The following FBLN5 variants were observed in gnomAD, a reference collection of about 807,000 sequenced individuals.
The protein encoded by FBLN5 is fibulin-5.
In FBLN5, 24 loss-of-function variants were observed where a neutral mutation model predicts 61.6. The ratio of observed to expected loss-of-function variants is 0.39; its 90% confidence interval spans 0.28 to 0.55. FBLN5 has a LOEUF of 0.55. Among genes scored for constraint, FBLN5 ranks in the 20% least tolerant of loss-of-function variants. FBLN5 has a pLI of 0.65. For synonymous variants in FBLN5, 213 were observed against 219.8 expected, an observed-to-expected ratio of 0.97 and a Z score of 0.27; for missense variants, 470 against 594.1, an observed-to-expected ratio of 0.79 and a Z score of 2.17.
At chr14:91,929,333 G>A (rs866748611) in intron 4 of FBLN5, among the ~76,000 whole-genome samples, 1 of 152,120 alleles carries the variant, frequency 6.6e-6, no homozygotes, top group East Asian at 1.9e-4. Flanking sequence ...CCTGTGGCCT[G>A]TTGCCTACAA....
intron 4 of FBLN5, among the ~76,000 whole-genome samples, chr14:91,896,865 G>A (rs1417635620): frequency 2.6e-5 from 4 of 152,336 alleles, no homozygotes; most frequent in African/African-American, 9.6e-5. Flanking sequence ...TACGTACGGT[G>A]GGGATGGGGG....
rs2139968939 is a variant in FBLN5, at chr14:91,887,318, GA to G, written c.620-7del. On this transcript the variant is annotated splice_polypyrimidine_tract_variant and splice_region_variant and intron_variant, in intron 6 of 10. Transcript: ENST00000342058. ...GGTGGCACACTCGTTCACATCTGTG[GA>G]AAGCCAAGGCACATTGCTGACTGTC... 6 of 1,612,368 alleles carry G rather than the reference GA, an allele frequency of 3.7e-6. No homozygotes were observed. Among genetic ancestry groups the G allele is most frequent in the Non-Finnish European group, 5.1e-6 (6 of 1,179,802 alleles).
intron 4 of FBLN5, among the ~76,000 whole-genome samples, chr14:91,919,941 G>C (rs1435593840): frequency 6.6e-6 from 1 of 152,154 alleles, no homozygotes; most frequent in African/African-American, 2.4e-5. Context: ...CCCTGGCCCT[G>C]AGCACCTCCC....
chr14:91,903,107 G>GA (rs1432788310), intron 4 of FBLN5, among the ~76,000 whole-genome samples: 4 of 151,768 alleles, frequency 2.6e-5, no homozygotes, highest in Non-Finnish European at 5.9e-5. Context: ...TTTTAATGGG[G>GA]AAAAAAATCA....
intron 4 of FBLN5, among the ~76,000 whole-genome samples, chr14:91,912,096 T>C (rs1463182109): frequency 2.0e-5 from 3 of 152,270 alleles, no homozygotes; most frequent in Non-Finnish European, 4.4e-5. Flanking sequence ...ATCTAAATGT[T>C]ATAATGTATA....
chr14:91,942,784 G>C (rs2056126132), intron 2 of FBLN5, 123 bp downstream of exon 2: 1 of 701,186 alleles, frequency 1.4e-6, no homozygotes, highest in East Asian at 2.7e-5. Flanking sequence ...GAAGAGCTCA[G>C]ATGAGGTCAA....
chr14:91,888,945 G>C (rs996411904), intron 6 of FBLN5, among the ~76,000 whole-genome samples: 1 of 152,148 alleles, frequency 6.6e-6, no homozygotes, highest in African/African-American at 2.4e-5. Flanking sequence ...AAACCTCTTA[G>C]GCCTCTGAAA....
intron 5 of FBLN5, among the ~76,000 whole-genome samples, 178 bp from the exon 6 acceptor site, chr14:91,891,515 G>A (rs953677890): frequency 6.6e-6 from 1 of 152,198 alleles, no homozygotes; most frequent in African/African-American, 2.4e-5. Context: ...CGAATACAAG[G>A]CTCAATCTCC....
chr14:91,888,378 G>A (rs1044932582), intron 6 of FBLN5, among the ~76,000 whole-genome samples: 5 of 152,046 alleles, frequency 3.3e-5, no homozygotes, highest in Non-Finnish European at 7.4e-5. Flanking sequence ...GCCAAGGCAG[G>A]TGGATTACCT....
intron 4 of FBLN5, among the ~76,000 whole-genome samples, chr14:91,911,134 C>A (rs997872588): frequency 8.5e-5 from 13 of 152,096 alleles, no homozygotes; most frequent in Admixed American, 3.9e-4. Flanking sequence ...CAGGTGCATG[C>A]CACCATGCCC....
chr14:91,909,075 G>A (rs1015560159), intron 4 of FBLN5, among the ~76,000 whole-genome samples: 1 of 151,912 alleles, frequency 6.6e-6, no homozygotes, highest in African/African-American at 2.4e-5. Flanking sequence ...CCACCACCAC[G>A]CCCGGCTAAT....
At chr14:91,902,155 G>T (rs1319900723) in intron 4 of FBLN5, among the ~76,000 whole-genome samples, 1 of 152,154 alleles carries the variant, frequency 6.6e-6, no homozygotes, top group Non-Finnish European at 1.5e-5. Context: ...CCAGTGTATG[G>T]TCCCTGCCAC....
intron 5 of FBLN5, among the ~76,000 whole-genome samples, chr14:91,893,173 T>A (rs1463463618): frequency 6.6e-6 from 1 of 152,208 alleles, no homozygotes; most frequent in Non-Finnish European, 1.5e-5. Context: ...TCTAAAATGT[T>A]CTTTCTCTAT....
chr14:91,885,354 T>C (rs1488643766), intron 7 of FBLN5, among the ~76,000 whole-genome samples: 1 of 152,144 alleles, frequency 6.6e-6, no homozygotes, highest in Non-Finnish European at 1.5e-5. Context: ...CACCTACACT[T>C]AGGGAAGATA....
chr14:91,928,825 C>A (rs1228445491), intron 4 of FBLN5, among the ~76,000 whole-genome samples: 1 of 151,930 alleles, frequency 6.6e-6, no homozygotes, highest in Non-Finnish European at 1.5e-5. Context: ...TTGGGAGGCA[C>A]AGGTGGGCAG....
At chr14:91,944,566 C>A (rs8010405) in intron 1 of FBLN5, among the ~76,000 whole-genome samples, 16,835 of 152,226 alleles carry the variant, frequency 0.11, 1,338 homozygotes, top group African/African-American at 0.22. Flanking sequence ...TCGATGGATA[C>A]ATGGATAAAC....
chr14:91,941,049 A>G (rs535694168), intron 2 of FBLN5, among the ~76,000 whole-genome samples: 66 of 152,280 alleles, frequency 4.3e-4, no homozygotes, highest in African/African-American at 1.6e-3. Context: ...AAGAGGAATC[A>G]TATCTGCTGA....
At position 91,947,167 on chromosome 14, in the gene FBLN5, G is replaced by A; in HGVS notation, c.17+46C>T. On this transcript the variant is annotated intron_variant, in intron 1 of 10. Transcript: ENST00000342058. This position sits in a 1 kb window ranked among gnomAD's most constrained non-coding sequence, Gnocchi z 4.3. ...TTTCCACCCATCGGATTTTTAGCAAGGCTTCCAGACCCTGGAGAAAGAAAA... is the reference window on the plus strand; with the variant it reads ...TTTCCACCCATCGGATTTTTAGCAAAGCTTCCAGACCCTGGAGAAAGAAAA... 1.2e-6 allele frequency: 2 copies of A among 1,613,698 alleles called. No homozygotes were observed. The highest frequency in any genetic ancestry group is 1.7e-6 in the Non-Finnish European group (2 of 1,179,608).
At position 91,947,376 on chromosome 14, in the gene FBLN5, G is replaced by A; in HGVS notation, c.-147C>T. On this transcript the variant is annotated 5_prime_UTR_variant, in exon 1 of 11. Coordinates refer to ENST00000342058, the MANE Select transcript of FBLN5 (RefSeq NM_006329.4). This position sits in a 1 kb window ranked among gnomAD's most constrained non-coding sequence, Gnocchi z 4.3. The stretch of plus-strand genomic sequence containing the variant: ...GAGGGGCCGAGCGAGTCGTGGAGAG[G>A]ACACGGGGAGAGCGCCGGGGTCCTC... 1.1e-6 allele frequency: 1 copy of A among 873,862 alleles called. No individual in the cohort carries two copies. The highest frequency in any genetic ancestry group is 2.6e-5 in the East Asian group (1 of 37,986). The allele number at this position is 873,862 out of a possible 1,614,324, so 54.1% of individuals were successfully genotyped here.
Sources: gnomAD v4.1 joint callset for allele counts (sites outside exome capture counted in the v4.1 genomes callset) on GRCh38, gnomAD v4.1.1 for gene constraint, Gnocchi (gnomAD v3.1) non-coding constraint, MANE v1.5 for transcripts, NCBI Gene and HGNC (gene_info 2026-07-23, HGNC 2026-07-21) for gene names.